BBS9: variants seen among roughly 807,000 people sequenced by gnomAD.
The protein encoded by BBS9 is Bardet-Biedl syndrome 9, also known as protein PTHB1.
BBS9 carries 89 observed loss-of-function variants against 117.7 expected under a neutral mutation model. That is an observed-to-expected ratio of 0.76 (90% CI 0.64 to 0.90). The LOEUF is 0.90. BBS9 is among the 40% of genes least tolerant of loss of function. The pLI is 0.00. For synonymous variants in BBS9, 379 were observed against 370.9 expected (o/e 1.02, Z -0.25); for missense variants, 982 against 1,042.2 (o/e 0.94, Z 0.80).
chr7:33,145,484 A>G (rs1327903483), intron 1 of BBS9, among the ~76,000 whole-genome samples: 1 of 152,132 alleles, frequency 6.6e-6, no homozygotes, highest in African/African-American at 2.4e-5. Flanking sequence ...CCTGCAGCCC[A>G]ATTTTCCTGC....
At chr7:33,390,607 G>A (rs1473277228) in intron 19 of BBS9, 1 of 969,904 alleles carries the variant, frequency 1.0e-6, no homozygotes, top group Non-Finnish European at 1.2e-6. Context: ...GGTGTTGATT[G>A]TTCAATAAGT....
chr7:33,348,659 C>T (rs1818046872), intron 12 of BBS9, among the ~76,000 whole-genome samples: 1 of 152,126 alleles, frequency 6.6e-6, no homozygotes, highest in Non-Finnish European at 1.5e-5. Context: ...AGTAGCTGTA[C>T]CAATTTACAT....
intron 21 of BBS9, among the ~76,000 whole-genome samples, chr7:33,593,293 C>A (rs187495766): frequency 2.3e-3 from 347 of 152,252 alleles, no homozygotes; most frequent in African/African-American, 8.0e-3. Context: ...CACCTTCTCA[C>A]AATGGCTGGG....
chr7:33,352,715 G>A, intron 14 of BBS9, 144 bp from the exon 15 acceptor site: 1 of 878,422 alleles, frequency 1.1e-6, no homozygotes, highest in Non-Finnish European at 1.9e-6. Context: ...TGTTTGGAGA[G>A]TCATTTAAGT....
At chr7:33,400,698 A>G (rs1300586575) in intron 19 of BBS9, among the ~76,000 whole-genome samples, 1 of 152,160 alleles carries the variant, frequency 6.6e-6, no homozygotes, top group Admixed American at 6.6e-5. Flanking sequence ...CTGAGCAGTT[A>G]TATCAACCCC....
intron 21 of BBS9, among the ~76,000 whole-genome samples, chr7:33,617,820 G>C (rs1865216817): frequency 6.6e-6 from 1 of 152,132 alleles, no homozygotes; most frequent in African/African-American, 2.4e-5. Context: ...AGAGCCCAAA[G>C]ACAAGTCATT....
chr7:33,218,901 C>G (rs891006706), intron 5 of BBS9, among the ~76,000 whole-genome samples: 3 of 152,264 alleles, frequency 2.0e-5, no homozygotes, highest in Non-Finnish European at 4.4e-5. Flanking sequence ...CAGCCCACCA[C>G]TGCACTGTGG....
intron 21 of BBS9, 61 bp downstream of exon 21, chr7:33,534,237 G>GC: frequency 4.6e-6 from 7 of 1,522,282 alleles, no homozygotes; most frequent in Non-Finnish European, 6.3e-6. Context: ...AGAGGAATGT[G>GC]CCTGTGGTTG....
chr7:33,181,283 C>A (rs189541849), intron 5 of BBS9, among the ~76,000 whole-genome samples: 1 of 152,260 alleles, frequency 6.6e-6, no homozygotes, highest in East Asian at 1.9e-4. Flanking sequence ...GAAATTGAAC[C>A]TAACAGCCCT....
intron 19 of BBS9, among the ~76,000 whole-genome samples, chr7:33,417,699 C>T: frequency 6.6e-6 from 1 of 152,176 alleles, no homozygotes; most frequent in East Asian, 1.9e-4. Flanking sequence ...AGGAGATTTT[C>T]TAGCTAATCA....
At chr7:33,413,592 C>T (rs1242615002) in intron 19 of BBS9, among the ~76,000 whole-genome samples, 2 of 152,086 alleles carry the variant, frequency 1.3e-5, no homozygotes, top group Admixed American at 1.3e-4. Flanking sequence ...AATGTGCCTT[C>T]CTTCATGGTC....
chr7:33,223,131 AT>A (rs1355389015), intron 5 of BBS9, among the ~76,000 whole-genome samples: 1 of 151,862 alleles, frequency 6.6e-6, no homozygotes, highest in African/African-American at 2.4e-5. Flanking sequence ...TTTATTTTAT[AT>A]TTTTTATGGC....
chr7:33,234,365 TA>T (rs1402942468), intron 5 of BBS9, among the ~76,000 whole-genome samples: 3 of 152,094 alleles, frequency 2.0e-5, no homozygotes, highest in Non-Finnish European at 4.4e-5. Flanking sequence ...AAAAATTGTA[TA>T]TTTTTAAGGT....
chr7:33,412,090 C>A (rs1584729165), intron 19 of BBS9, among the ~76,000 whole-genome samples: 2 of 152,000 alleles, frequency 1.3e-5, no homozygotes, highest in Non-Finnish European at 2.9e-5. Flanking sequence ...TCACTAGTGA[C>A]TAATAGGAAC....
intron 5 of BBS9, among the ~76,000 whole-genome samples, chr7:33,219,969 A>G (rs1789915497): frequency 6.6e-6 from 1 of 152,164 alleles, no homozygotes; most frequent in Non-Finnish European, 1.5e-5. Flanking sequence ...GAGACCATGA[A>G]CCCACCAGAA....
chr7:33,568,997 A>G (rs1281507092), intron 21 of BBS9, among the ~76,000 whole-genome samples: 1 of 152,290 alleles, frequency 6.6e-6, no homozygotes, highest in Admixed American at 6.5e-5. Context: ...CTTGATTCCT[A>G]GAAACATAGT....
chr7:33,165,302 G>C (rs1050384153), intron 4 of BBS9, among the ~76,000 whole-genome samples: 1 of 152,094 alleles, frequency 6.6e-6, no homozygotes, highest in African/African-American at 2.4e-5. Context: ...TGACAATTAT[G>C]TGTCTTGGGT....
At chr7:33,370,264 C>T (rs2128719815) in intron 17 of BBS9, among the ~76,000 whole-genome samples, 1 of 151,802 alleles carries the variant, frequency 6.6e-6, no homozygotes, top group African/African-American at 2.4e-5. Context: ...TCAAGACCAG[C>T]CTGGGCAACA....
chr7:33,592,098 T>G lies in BBS9; in HGVS notation c.2522-12767T>G, dbSNP rs554716768. Among the ~76,000 whole-genome samples the G allele has an allele frequency of 1.4e-4, 22 of 152,236 alleles. No homozygotes were observed. The East Asian group carries it at 4.1e-3, about 28-fold the overall frequency. On this transcript the variant is annotated intron_variant, in intron 21 of 22. Coordinates refer to ENST00000242067, the MANE Select transcript of BBS9 (RefSeq NM_198428.3). ...TGGTCTACTTACTCCATCCTCAACTTTTTTACCTGAGCGTTTTTTAGAAAG... is the reference window on the plus strand; with the variant it reads ...TGGTCTACTTACTCCATCCTCAACTGTTTTACCTGAGCGTTTTTTAGAAAG...
Sources: allele counts gnomAD v4.1 joint callset (sites outside exome capture counted in the v4.1 genomes callset), GRCh38; gene constraint gnomAD v4.1.1; transcripts MANE v1.5; gene names NCBI Gene and HGNC (gene_info 2026-07-23, HGNC 2026-07-21).